EML5: variants seen among roughly 807,000 people sequenced by gnomAD.
EML5 encodes EMAP like 5, also known as echinoderm microtubule-associated protein-like 5.
In EML5, 120 loss-of-function variants were observed where a neutral mutation model predicts 250.0. The observed-to-expected ratio is 0.48, with a 90% CI of 0.41 to 0.56. The LOEUF (loss-of-function observed/expected upper bound fraction) is 0.56, where lower values mean the gene tolerates loss of function less well. Among genes scored for constraint, EML5 ranks in the 20% least tolerant of loss-of-function variants. The pLI, the probability that EML5 is intolerant of heterozygous loss-of-function variation, is 0.00. For missense variants in EML5, 2,006 were observed against 2,437.6 expected, an observed-to-expected ratio of 0.82 and a Z score of 3.73; for synonymous variants, 771 against 806.5, an observed-to-expected ratio of 0.96 and a Z score of 0.75.
intron 7 of EML5, among the ~76,000 whole-genome samples, chr14:88,729,249 T>C (rs868675147): frequency 1.2e-4 from 18 of 152,290 alleles, no homozygotes; most frequent in African/African-American, 4.1e-4. Flanking sequence ...CTGAACAGAA[T>C]GGTGAAAATA....
Position 88,661,744 on chromosome 14 carries a change from A to T in EML5, c.3585T>A (p.Asp1195Glu). ...CACTGGTGAGGCAAGAAGCAGTTAC[A>T]TCTGTAACTTCTCCAATTACTGGCC... ...GIWPVIGEVT[D>E]VTASCLTSDK... The change falls in exon 25 of 44, where the codon GAT (aspartate) becomes GAA (glutamate). Residue 1195 changes from aspartate (D) to glutamate (E), a missense_variant. Around this residue, in one of 7 missense-constraint regions of EML5, gnomAD observed 1,375 missense variants for 1,590.3 expected, o/e 0.86. Transcript: ENST00000554922. 1 of 1,613,762 alleles carries T rather than the reference A, an allele frequency of 6.2e-7. No individual in the cohort carries two copies. Among genetic ancestry groups the T allele is most frequent in the Non-Finnish European group, 8.5e-7 (1 of 1,179,786 alleles).
chr14:88,744,218 A>C, intron 3 of EML5, 127 bp from the exon 4 acceptor site: 2 of 471,936 alleles, frequency 4.2e-6, no homozygotes. Flanking sequence ...AATAATCAAC[A>C]TCCCACACTT....
intron 7 of EML5, among the ~76,000 whole-genome samples, chr14:88,730,658 G>A (rs895133122): frequency 5.9e-5 from 9 of 152,094 alleles, no homozygotes; most frequent in Non-Finnish European, 1.2e-4. Flanking sequence ...TGTTTATTTG[G>A]GGAGTCAATG....
chr14:88,741,015 T>C (rs2093916993), intron 4 of EML5, among the ~76,000 whole-genome samples: 1 of 151,868 alleles, frequency 6.6e-6, no homozygotes, highest in African/African-American at 2.4e-5. Context: ...ATACAAAAAT[T>C]AGCCAGGTAT....
Position 88,649,923 on chromosome 14 carries a change from C to A in EML5, c.4008G>T (p.Gln1336His). Residue 1336 changes from glutamine to histidine, a missense_variant, in exon 28 of 44, where the codon CAG becomes CAT. This residue lies in a region of EML5 where 1,375 missense variants were observed against 1,590.3 expected (regional missense o/e 0.86). Transcript: ENST00000554922. ...QQKEPSIDER[Q>H]GVVRGSRPPV... ...TATAAAACACTTACCTTACTACTCC[C>A]TGCCTTCAAAAGGAGCAAGGGGGAA... The A allele has an allele frequency of 6.7e-7, 1 of 1,487,470 alleles. No individual in the cohort carries two copies. The highest frequency in any genetic ancestry group is 1.9e-4 in the Middle Eastern group (1 of 5,248). The allele number at this position is 1,487,470 out of a possible 1,614,324, so 92.1% of individuals were successfully genotyped here.
At chr14:88,719,176 A>G (rs1347839987) in intron 8 of EML5, among the ~76,000 whole-genome samples, 1 of 152,044 alleles carries the variant, frequency 6.6e-6, no homozygotes, top group Non-Finnish European at 1.5e-5. Context: ...GCTTGATCTC[A>G]GGAGTTTGAG....
chr14:88,735,576 T>C (rs759315073), intron 7 of EML5, among the ~76,000 whole-genome samples: 2 of 152,242 alleles, frequency 1.3e-5, no homozygotes, highest in South Asian at 2.1e-4. Context: ...ACTGGTAATA[T>C]ATTCACAATA....
chr14:88,736,096 G>A (rs1182419398), intron 7 of EML5, among the ~76,000 whole-genome samples: 3 of 151,118 alleles, frequency 2.0e-5, no homozygotes, highest in Non-Finnish European at 2.9e-5. Flanking sequence ...CGCCTCCTGG[G>A]TTCAAGCGAT....
intron 17 of EML5, among the ~76,000 whole-genome samples, chr14:88,690,437 A>G (rs1306486720): frequency 5.9e-5 from 9 of 152,220 alleles, no homozygotes; most frequent in Non-Finnish European, 1.2e-4. Flanking sequence ...AAGATGACGA[A>G]AAGTGGTTAG....
Position 88,660,682 on chromosome 14 carries a change from GCAGTGAGCCTAGATCATGC to G in EML5, c.3675+953_3675+971del, listed in dbSNP as rs2092061119. Among the ~76,000 whole-genome samples, 11 of 151,900 alleles carry G rather than the reference GCAGTGAGCCTAGATCATGC, an allele frequency of 7.2e-5. No individual in the cohort carries two copies. In the South Asian group the frequency reaches 2.3e-3, roughly 32 times the overall value. On this transcript the variant is annotated intron_variant, in intron 25 of 43. Coordinates refer to ENST00000554922, the MANE Select transcript of EML5 (RefSeq NM_183387.3). ...AGCTTGAACCCGGGAGGTGGAGGTT[GCAGTGAGCCTAGATCATGC>G]CACTGCACTCCAGCCTGGCGACAGA...
intron 33 of EML5, among the ~76,000 whole-genome samples, chr14:88,630,258 G>A (rs867064365): frequency 6.6e-5 from 10 of 151,864 alleles, no homozygotes; most frequent in Admixed American, 1.3e-4. Flanking sequence ...TTGAACTCCC[G>A]GCCTCAGGTG....
At chr14:88,789,035 C>G (rs555673295) in intron 1 of EML5, among the ~76,000 whole-genome samples, 1 of 151,598 alleles carries the variant, frequency 6.6e-6, no homozygotes, top group Non-Finnish European at 1.5e-5. Flanking sequence ...TGCACTATAG[C>G]CTGTGTGACG....
chr14:88,624,613 C>T (rs2089629903), intron 36 of EML5: 2 of 201,384 alleles, frequency 9.9e-6, no homozygotes, highest in Admixed American at 5.5e-5. Context: ...CCATTCTGAA[C>T]AAAAAGAGAG....
chr14:88,692,912 T>C (rs1350718499), intron 17 of EML5, among the ~76,000 whole-genome samples: 2 of 152,232 alleles, frequency 1.3e-5, no homozygotes, highest in Admixed American at 6.5e-5. Context: ...TCTTTTCTAA[T>C]AATGTTTTAC....
At position 88,792,829 on chromosome 14, in the gene EML5, C is replaced by T; in HGVS notation, c.-326G>A. 1.2e-6 allele frequency: 1 copy of T among 811,930 alleles called. No individual in the cohort carries two copies. 50.3% of individuals were successfully genotyped at this position (811,930 alleles called of 1,614,324 possible). A position where few individuals can be genotyped will look rare whatever the true frequency, so the allele number is the denominator to read the frequency against. Reference sequence around the variant, plus strand: ...GCCGAGAGCGAGGGCCCGCCTCCAGCTCCTCAGCCGCCGCCCGCGCACGCA... The same window carrying T: ...GCCGAGAGCGAGGGCCCGCCTCCAGTTCCTCAGCCGCCGCCCGCGCACGCA... On this transcript the variant is annotated 5_prime_UTR_variant, in exon 1 of 44. Coordinates refer to ENST00000554922, the MANE Select transcript of EML5 (RefSeq NM_183387.3). The surrounding 1 kb of genome is among the most constrained non-coding windows in gnomAD (Gnocchi z 6.9).
intron 8 of EML5, among the ~76,000 whole-genome samples, chr14:88,718,924 T>TA (rs1223216096): frequency 2.6e-5 from 4 of 152,182 alleles, no homozygotes; most frequent in African/African-American, 9.7e-5. Context: ...TTTTGGAACT[T>TA]ACTACTCCCA....
In EML5 at chr14:88,774,445, T is replaced by A. The variant is rs187935558; in HGVS notation, c.197+17862A>T. ...GAAAGAGGCTAGTTTTGTGTACCAATAATGACATGACTCATTTTCTCATCT... is the reference window on the plus strand; with the variant it reads ...GAAAGAGGCTAGTTTTGTGTACCAAAAATGACATGACTCATTTTCTCATCT... On this transcript the variant is annotated intron_variant, in intron 1 of 43. Coordinates refer to ENST00000554922, the MANE Select transcript of EML5 (RefSeq NM_183387.3). Among the ~76,000 whole-genome samples the A allele has an allele frequency of 5.1e-4, 78 of 152,342 alleles. 2 individuals are homozygous for A. The East Asian group carries it at 8.9e-3, about 17-fold the overall frequency.
chr14:88,694,887 T>C (rs1448491312), intron 16 of EML5, among the ~76,000 whole-genome samples: 1 of 152,154 alleles, frequency 6.6e-6, no homozygotes, highest in African/African-American at 2.4e-5. Context: ...TGTTGACTAG[T>C]TCCTCCTTTA....
chr14:88,723,067 G>A (rs1395076613), intron 8 of EML5, among the ~76,000 whole-genome samples: 3 of 152,022 alleles, frequency 2.0e-5, no homozygotes, highest in Non-Finnish European at 2.9e-5. Context: ...CAACCTAAGT[G>A]TCCATCAATG....
Sources: allele counts gnomAD v4.1 joint callset (sites outside exome capture counted in the v4.1 genomes callset), GRCh38; gene constraint gnomAD v4.1.1; regional missense constraint gnomAD v4.1.1; non-coding constraint Gnocchi (gnomAD v3.1); transcripts MANE v1.5; gene names NCBI Gene and HGNC (gene_info 2026-07-23, HGNC 2026-07-21).